Variants in ADGRG2 observed in about 807,000 individuals in gnomAD.
ADGRG2 encodes G protein-coupled receptor 64.
A neutral mutation model predicts 74.1 loss-of-function variants in ADGRG2; 26 were observed. The observed-to-expected ratio is 0.35, with a 90% CI of 0.26 to 0.49. ADGRG2 has a LOEUF of 0.49. Ranked by LOEUF, ADGRG2 falls within the 20% of genes least tolerant of loss-of-function variation. ADGRG2 has a pLI of 0.99. For missense variants in ADGRG2, 619 were observed against 763.1 expected (o/e 0.81, Z 2.22); for synonymous variants, 296 against 295.2 (o/e 1.00, Z -0.03).
In ADGRG2 at chrX:19,000,916, G is replaced by A. The variant is rs1601850827; in HGVS notation, c.2231-956C>T. On this transcript the variant is annotated intron_variant, in intron 24 of 28. Transcript: ENST00000379869. ...CACCTGGCTAATTTTTGTATTTTTA[G>A]TAGAGACGGGGTTTCACCATGTTGG... is the stretch of plus-strand genomic sequence containing the variant. Among the ~76,000 whole-genome samples, 5 of 110,094 alleles carry A rather than the reference G, an allele frequency of 4.5e-5. No homozygotes were observed. In the South Asian group the frequency reaches 2.0e-3, roughly 44 times the overall value.
intron 1 of ADGRG2, among the ~76,000 whole-genome samples, chrX:19,119,931 T>C (rs1167651495): frequency 8.9e-6 from 1 of 112,215 alleles, no homozygotes; most frequent in East Asian, 2.8e-4. Flanking sequence ...TAGAGTACAA[T>C]CTTTTTCTTT....
chrX:19,059,996 G>C (rs1267115032), intron 3 of ADGRG2, among the ~76,000 whole-genome samples: 1 of 111,643 alleles, frequency 9.0e-6, no homozygotes, highest in Non-Finnish European at 1.9e-5. Flanking sequence ...GCCAGGCGTG[G>C]TGCCGCGAGC....
chrX:19,015,580 G>GT (rs747854416), intron 15 of ADGRG2, among the ~76,000 whole-genome samples: 1 of 112,419 alleles, frequency 8.9e-6, no homozygotes, highest in South Asian at 3.7e-4. Flanking sequence ...TTAGCCAGGC[G>GT]TGGTGGCGGG....
intron 3 of ADGRG2, among the ~76,000 whole-genome samples, chrX:19,059,325 T>C (rs971091564): frequency 1.8e-4 from 20 of 112,032 alleles, no homozygotes; most frequent in Admixed American, 1.7e-3. Flanking sequence ...ATTTGGAAAT[T>C]ACCCAAACTG....
intron 2 of ADGRG2, among the ~76,000 whole-genome samples, chrX:19,078,407 A>T (rs888723209): frequency 5.4e-5 from 6 of 110,492 alleles, no homozygotes; most frequent in Non-Finnish European, 1.1e-4. Context: ...AAATAAAAAA[A>T]TTAGCCGGGC....
At chrX:19,090,794 A>C (rs189589824) in intron 1 of ADGRG2, among the ~76,000 whole-genome samples, 120 of 111,528 alleles carry the variant, frequency 1.1e-3, no homozygotes, top group African/African-American at 3.6e-3. Flanking sequence ...ATGTTTAGAA[A>C]GGTCAAATTA....
chrX:19,082,338 G>A (rs759876788), intron 2 of ADGRG2, among the ~76,000 whole-genome samples: 1 of 110,870 alleles, frequency 9.0e-6, no homozygotes, highest in Admixed American at 9.7e-5. Context: ...GCAGGAAAGG[G>A]GAAAACAGTG....
At chrX:19,002,259 G>A (rs1397334275) in intron 24 of ADGRG2, among the ~76,000 whole-genome samples, 2 of 111,300 alleles carry the variant, frequency 1.8e-5, no homozygotes, top group African/African-American at 6.5e-5. Flanking sequence ...TGCATTGGGT[G>A]GGAAATTGAA....
chrX:19,052,262 T>C (rs2061336080), intron 3 of ADGRG2, among the ~76,000 whole-genome samples: 1 of 111,985 alleles, frequency 8.9e-6, no homozygotes, highest in Non-Finnish European at 1.9e-5. Flanking sequence ...TGTCTGTAAG[T>C]CTATCTCCTT....
chrX:19,082,116 A>G (rs1277978308), intron 2 of ADGRG2, among the ~76,000 whole-genome samples: 1 of 108,999 alleles, frequency 9.2e-6, no homozygotes, highest in Non-Finnish European at 1.9e-5. Context: ...AGAAAGAAAG[A>G]AAAGAAAAGA....
At chrX:19,066,257 CTGTGTATTTGTA>C (rs2061566356) in intron 3 of ADGRG2, among the ~76,000 whole-genome samples, 1 of 111,199 alleles carries the variant, frequency 9.0e-6, no homozygotes, top group Admixed American at 9.6e-5. Flanking sequence ...TCCATTTAGT[CTGTGTATTTGTA>C]TGTGTGTTTT....
chrX:19,051,265 AG>A (rs1338824735), intron 3 of ADGRG2, among the ~76,000 whole-genome samples: 1 of 110,999 alleles, frequency 9.0e-6, no homozygotes, highest in Non-Finnish European at 1.9e-5. Flanking sequence ...TAGTAGAGAC[AG>A]GGTTTCACCG....
intron 28 of ADGRG2, among the ~76,000 whole-genome samples, chrX:18,993,512 A>C (rs1229164302): frequency 9.5e-6 from 1 of 104,874 alleles, no homozygotes; most frequent in Non-Finnish European, 2.0e-5. Flanking sequence ...GCAAGACTGC[A>C]TCTTAAAAAA....
intron 1 of ADGRG2, among the ~76,000 whole-genome samples, chrX:19,108,442 T>C (rs922870435): frequency 2.7e-5 from 3 of 112,043 alleles, no homozygotes; most frequent in African/African-American, 9.7e-5. Context: ...CTGGTAGTAA[T>C]GCACATATAT....
At chrX:19,032,527 G>A (rs2060847437) in intron 8 of ADGRG2, 1 of 111,282 alleles carries the variant, frequency 9.0e-6, no homozygotes, top group Admixed American at 9.6e-5. Flanking sequence ...TTCCAGTGAT[G>A]CGTGTCTTCT....
intron 3 of ADGRG2, among the ~76,000 whole-genome samples, chrX:19,049,782 G>A (rs1475081358): frequency 9.0e-6 from 1 of 111,163 alleles, no homozygotes; most frequent in Non-Finnish European, 1.9e-5. Context: ...GATAGAGTGT[G>A]AAGAAAGAAC....
intron 3 of ADGRG2, 97 bp downstream of exon 3, chrX:19,068,620 T>C (rs1602050212): frequency 4.5e-6 from 2 of 447,057 alleles, no homozygotes; most frequent in East Asian, 3.6e-5. Flanking sequence ...ATAAATATTA[T>C]GTTATTTTAC....
intron 6 of ADGRG2, among the ~76,000 whole-genome samples, chrX:19,036,693 T>C (rs757789923): frequency 1.8e-5 from 2 of 110,109 alleles, no homozygotes; most frequent in Admixed American, 9.8e-5. Context: ...AAATTGAAGA[T>C]ATTATTTTCA....
intron 1 of ADGRG2, among the ~76,000 whole-genome samples, chrX:19,086,812 AACCTAATGATTCATTAGTG>A (rs1392478561): frequency 2.7e-5 from 3 of 111,871 alleles, no homozygotes; most frequent in Non-Finnish European, 5.6e-5. Flanking sequence ...CTTCATTAGG[AACCTAATGATTCATTAGTG>A]ACCTAGACCG....
Sources: gnomAD v4.1 joint callset for allele counts (sites outside exome capture counted in the v4.1 genomes callset) on GRCh38, gnomAD v4.1.1 for gene constraint, MANE v1.5 for transcripts, NCBI Gene and HGNC (gene_info 2026-07-23, HGNC 2026-07-21) for gene names.